MARCHF6: variants seen among roughly 807,000 people sequenced by gnomAD.
MARCHF6 encodes E3 ubiquitin-protein ligase MARCHF6.
A neutral mutation model predicts 133.7 loss-of-function variants in MARCHF6; 31 were observed. The ratio of observed to expected loss-of-function variants is 0.23; its 90% CI spans 0.17 to 0.31. The LOEUF (loss-of-function observed/expected upper bound fraction) is 0.31. MARCHF6 is among the 10% of genes least tolerant of loss of function. The pLI, the probability that MARCHF6 is intolerant of heterozygous loss-of-function variation, is 1.00. For synonymous variants in MARCHF6, 395 were observed against 402.5 expected, an observed-to-expected ratio of 0.98 and a Z score of 0.22; for missense variants, 723 against 1,121.6, an observed-to-expected ratio of 0.64 and a Z score of 5.08.
intron 1 of MARCHF6, among the ~76,000 whole-genome samples, chr5:10,366,529 A>T (rs1414233671): frequency 6.6e-6 from 1 of 152,222 alleles, no homozygotes; most frequent in East Asian, 1.9e-4. Flanking sequence ...TGCTGTTACT[A>T]CTTGAGACCG....
At chr5:10,381,648 ATAT>A in intron 3 of MARCHF6, 149 bp from the exon 4 acceptor site, 2 of 587,810 alleles carry the variant, frequency 3.4e-6, no homozygotes, top group East Asian at 3.2e-5. Flanking sequence ...GGTAAATGTG[ATAT>A]TATAACTATT....
chr5:10,368,447 A>T (rs1736268158), intron 1 of MARCHF6, among the ~76,000 whole-genome samples: 1 of 152,150 alleles, frequency 6.6e-6, no homozygotes, highest in Non-Finnish European at 1.5e-5. Flanking sequence ...AGACTGGGCA[A>T]CGTGGTGATA....
At chr5:10,377,688 C>T in intron 1 of MARCHF6, 110 bp from the exon 2 acceptor site, 1 of 653,126 alleles carries the variant, frequency 1.5e-6, no homozygotes, top group South Asian at 1.9e-5. Flanking sequence ...AATGTTTTGT[C>T]AAGTGATAGA....
chr5:10,373,075 AAAC>A (rs755587944), intron 1 of MARCHF6, among the ~76,000 whole-genome samples: 13 of 151,976 alleles, frequency 8.6e-5, no homozygotes, highest in Admixed American at 1.3e-4. Context: ...AAAAAAAACA[AAAC>A]AACAACAACA....
At position 10,402,469 on chromosome 5, in the gene MARCHF6, C is replaced by T; in HGVS notation, c.1122+17C>T. On this transcript the variant is annotated intron_variant, in intron 13 of 25. Coordinates refer to ENST00000274140, the MANE Select transcript of MARCHF6 (RefSeq NM_005885.4). ...GTTGTTAAGGTAATTCCTGTTATAACTTAAAATTGGAAATGATTTCTCCTA... is the reference window on the plus strand; with the variant it reads ...GTTGTTAAGGTAATTCCTGTTATAATTTAAAATTGGAAATGATTTCTCCTA... The T allele has an allele frequency of 5.6e-6, 9 of 1,613,154 alleles. No individual in the cohort carries two copies. The highest frequency in any genetic ancestry group is 7.6e-6 in the Non-Finnish European group (9 of 1,179,288).
At chr5:10,392,583 A>G (rs1055618779) in intron 7 of MARCHF6, among the ~76,000 whole-genome samples, 6 of 152,072 alleles carry the variant, frequency 3.9e-5, no homozygotes, top group African/African-American at 9.7e-5. Flanking sequence ...GTGAAACCCC[A>G]TCTCTCCTAA....
rs530082870 is a variant in MARCHF6, at chr5:10,440,263, G to A, written c.*6579G>A. 2.0e-5 allele frequency: 3 copies of A among 152,234 alleles called. No individual in the cohort carries two copies. The South Asian group carries it at 6.2e-4, about 32-fold the overall frequency. 9.4% of individuals were successfully genotyped at this position (152,234 alleles called of 1,614,324 possible). A position where few individuals can be genotyped will look rare whatever the true frequency, so the allele number is the denominator to read the frequency against. ...TTTAGAATCAAAATAATGTGTCTAT[G>A]GCCAAAATAAAACCTGAAATCCCTG... On this transcript the variant is annotated 3_prime_UTR_variant, in exon 26 of 26. Transcript: ENST00000274140.
chr5:10,429,842 T>C (rs769475887), intron 24 of MARCHF6, 51 bp from the exon 25 acceptor site: 16 of 1,521,182 alleles, frequency 1.1e-5, no homozygotes, highest in Non-Finnish European at 1.5e-5. Flanking sequence ...TTACGTTTCA[T>C]GTCACTGTTA....
chr5:10,426,367 A>G (rs752071427), intron 23 of MARCHF6, 23 bp from the exon 24 acceptor site: 17 of 1,610,760 alleles, frequency 1.1e-5, no homozygotes, highest in Admixed American at 3.4e-5. Context: ...TCTTTGTTCT[A>G]ATTGCTTTTT....
intron 11 of MARCHF6, 32 bp downstream of exon 11, chr5:10,400,874 A>G: frequency 6.9e-7 from 1 of 1,458,484 alleles, no homozygotes; most frequent in Non-Finnish European, 9.6e-7. Context: ...AGTTACTTTC[A>G]TTCATTACTC....
At chr5:10,392,909 A>G (rs745351026) in intron 7 of MARCHF6, among the ~76,000 whole-genome samples, 5 of 152,010 alleles carry the variant, frequency 3.3e-5, no homozygotes, top group African/African-American at 1.2e-4. Context: ...TGTGTCACGT[A>G]CTCTGTTAGA....
chr5:10,388,059 C>T (rs1737599359), intron 5 of MARCHF6, among the ~76,000 whole-genome samples: 1 of 152,182 alleles, frequency 6.6e-6, no homozygotes, highest in South Asian at 2.1e-4. Context: ...ATGCTAAGAA[C>T]TTGCCTGTAG....
chr5:10,363,353 AT>A (rs1392367688), intron 1 of MARCHF6, among the ~76,000 whole-genome samples: 10 of 152,228 alleles, frequency 6.6e-5, no homozygotes, highest in Admixed American at 2.0e-4. Context: ...TGGTCCAAAG[AT>A]TTGTATAGAC....
At chr5:10,359,867 G>A (rs919241780) in intron 1 of MARCHF6, among the ~76,000 whole-genome samples, 1 of 152,028 alleles carries the variant, frequency 6.6e-6, no homozygotes, top group Non-Finnish European at 1.5e-5. Context: ...TTAGCTGGAT[G>A]TGGTGGCGGG....
intron 1 of MARCHF6, among the ~76,000 whole-genome samples, chr5:10,376,142 A>T (rs1317613738): frequency 1.3e-5 from 2 of 152,116 alleles, no homozygotes; most frequent in African/African-American, 4.8e-5. Context: ...ACACTGTGGA[A>T]GCTTTGTTCT....
intron 1 of MARCHF6, among the ~76,000 whole-genome samples, chr5:10,375,057 G>C (rs577122390): frequency 6.6e-6 from 1 of 152,210 alleles, no homozygotes; most frequent in Non-Finnish European, 1.5e-5. Context: ...CCACTTTGGC[G>C]GCACTTGAGG....
At position 10,366,934 on chromosome 5, in the gene MARCHF6, C is replaced by T. The variant is rs186727472; in HGVS notation, c.20-10864C>T. ...GCCTCCAGTGGTATACTGAGTTGAT[C>T]ACGACCCTCAGTCTTTCGGCCTCCA... On this transcript the variant is annotated intron_variant, in intron 1 of 25. Transcript: ENST00000274140. 7.9e-5 allele frequency among the ~76,000 whole-genome samples: 12 copies of T among 152,316 alleles called. No homozygotes were observed. The East Asian group carries it at 2.3e-3, about 29-fold the overall frequency.
chr5:10,421,414 A>C (rs1739816228), intron 22 of MARCHF6, among the ~76,000 whole-genome samples: 1 of 152,270 alleles, frequency 6.6e-6, no homozygotes, highest in Non-Finnish European at 1.5e-5. Flanking sequence ...AGCTGTAGAC[A>C]GATAATGTGC....
At position 10,440,362 on chromosome 5, in the gene MARCHF6, A is replaced by G. The variant is rs1441320040; in HGVS notation, c.*6678A>G. ...CAGACATACCTTCACAGAATCATTT[A>G]TCACAATAAAGGTGTCATACTATGC... On this transcript the variant is annotated 3_prime_UTR_variant, in exon 26 of 26. Coordinates refer to ENST00000274140, the MANE Select transcript of MARCHF6 (RefSeq NM_005885.4). The G allele has an allele frequency of 6.6e-6, 1 of 152,232 alleles. No individual in the cohort carries two copies. The highest frequency in any genetic ancestry group is 2.4e-5 in the African/African-American group (1 of 41,456). 9.4% of individuals were successfully genotyped at this position (152,232 alleles called of 1,614,324 possible).
Sources: gnomAD v4.1 joint callset for allele counts (sites outside exome capture counted in the v4.1 genomes callset) on GRCh38, gnomAD v4.1.1 for gene constraint, MANE v1.5 for transcripts, NCBI Gene and HGNC (gene_info 2026-07-23, HGNC 2026-07-21) for gene names.